Variants in SNTG1 observed in about 807,000 individuals in gnomAD.
SNTG1 encodes gamma-1-syntrophin.
In SNTG1, 39 loss-of-function variants were observed where a neutral mutation model predicts 74.7. The ratio of observed to expected loss-of-function variants is 0.52; its 90% CI spans 0.40 to 0.68. The LOEUF is 0.68. Ranked by LOEUF, SNTG1 falls within the 30% of genes least tolerant of loss-of-function variation. The pLI is 0.00. For synonymous variants in SNTG1, 254 were observed against 217.1 expected (o/e 1.17, Z -1.49); for missense variants, 685 against 609.5 (o/e 1.12, Z -1.30).
At chr8:50,568,257 T>TGTGTGTGTGTG (rs1563587391) in intron 12 of SNTG1, among the ~76,000 whole-genome samples, 3 of 48,990 alleles carry the variant, frequency 6.1e-5, no homozygotes, top group Non-Finnish European at 1.6e-4. Context: ...GTGTGTGCTA[T>TGTGTGTGTGTG]CTATTTATCC....
intron 2 of SNTG1, among the ~76,000 whole-genome samples, chr8:50,251,483 T>A (rs1380705191): frequency 1.3e-5 from 2 of 151,864 alleles, no homozygotes; most frequent in Admixed American, 6.6e-5. Context: ...CTATAACAGA[T>A]GCACTTCACT....
chr8:50,764,784 T>C (rs539641889), intron 18 of SNTG1, among the ~76,000 whole-genome samples: 2 of 151,668 alleles, frequency 1.3e-5, no homozygotes, highest in South Asian at 2.1e-4. Context: ...TGAGTATATA[T>C]GCAAATGATT....
intron 17 of SNTG1, among the ~76,000 whole-genome samples, chr8:50,751,210 C>T (rs1397115458): frequency 1.3e-5 from 2 of 151,940 alleles, no homozygotes; most frequent in Non-Finnish European, 2.9e-5. Flanking sequence ...CATGTTTGAA[C>T]ACACATACAC....
chr8:50,025,287 C>T (rs1817171289), intron 1 of SNTG1, among the ~76,000 whole-genome samples: 1 of 152,146 alleles, frequency 6.6e-6, no homozygotes, highest in African/African-American at 2.4e-5. Context: ...TAATAACCCA[C>T]TTTCTCATTA....
chr8:49,975,277 A>G (rs763534738), intron 1 of SNTG1, among the ~76,000 whole-genome samples: 9 of 152,148 alleles, frequency 5.9e-5, no homozygotes, highest in South Asian at 4.1e-4. Flanking sequence ...AGATTTTTTC[A>G]TTCTTCTTTA....
chr8:49,932,156 C>T (rs1419300043), intron 1 of SNTG1, among the ~76,000 whole-genome samples: 1 of 152,122 alleles, frequency 6.6e-6, no homozygotes, highest in African/African-American at 2.4e-5. Flanking sequence ...ATCACTAAAA[C>T]AGGTCAGTTT....
At chr8:50,114,343 T>A (rs1176024637) in intron 1 of SNTG1, among the ~76,000 whole-genome samples, 1 of 152,162 alleles carries the variant, frequency 6.6e-6, no homozygotes, top group Non-Finnish European at 1.5e-5. Flanking sequence ...TGCAATAACT[T>A]CTTAAAAAGA....
intron 15 of SNTG1, among the ~76,000 whole-genome samples, chr8:50,701,618 C>CTTCTTCTTCTTCTTCTTCTTCTTCTTCTT (rs201341360): frequency 0.028 from 3,881 of 136,930 alleles, 145 homozygotes; most frequent in Middle Eastern, 0.04. Flanking sequence ...TCTTCTTCTT[C>CTTCTTCTTCTTCTTCTTCTTCTTCTTCTT]GTGTTCCTCT....
intron 1 of SNTG1, among the ~76,000 whole-genome samples, chr8:49,949,650 C>T (rs762949371): frequency 6.6e-6 from 1 of 152,142 alleles, no homozygotes; most frequent in Non-Finnish European, 1.5e-5. Flanking sequence ...ATATTTAGAT[C>T]TTTCTTGTGA....
chr8:50,223,028 T>C (rs1273288967), intron 2 of SNTG1, among the ~76,000 whole-genome samples: 2 of 152,098 alleles, frequency 1.3e-5, no homozygotes, highest in East Asian at 3.9e-4. Flanking sequence ...TTGGAGTTAT[T>C]AGAAAGACCC....
intron 2 of SNTG1, among the ~76,000 whole-genome samples, chr8:50,291,086 T>C (rs2089076254): frequency 6.6e-6 from 1 of 152,162 alleles, no homozygotes; most frequent in African/African-American, 2.4e-5. Flanking sequence ...ATATGTGGAT[T>C]TCATTAAAGT....
At chr8:50,717,262 A>G (rs983725417) in intron 17 of SNTG1, among the ~76,000 whole-genome samples, 7 of 151,600 alleles carry the variant, frequency 4.6e-5, no homozygotes, top group Non-Finnish European at 1.0e-4. Context: ...GATATATTTT[A>G]TTTTTTTCTG....
chr8:50,778,544 G>A (rs567429589), intron 18 of SNTG1, among the ~76,000 whole-genome samples: 1 of 151,980 alleles, frequency 6.6e-6, no homozygotes, highest in Non-Finnish European at 1.5e-5. Context: ...ACTTTTTGAT[G>A]GGGTTGTTTG....
chr8:50,335,412 G>C lies in SNTG1; in HGVS notation c.-27-58800G>C, dbSNP rs79859023. Among the ~76,000 whole-genome samples, 84 of 152,196 alleles carry C rather than the reference G, an allele frequency of 5.5e-4. No homozygotes were observed. In the East Asian group the frequency reaches 0.012, roughly 22 times the overall value. On this transcript the variant is annotated intron_variant, in intron 2 of 18. Coordinates refer to ENST00000642720, the MANE Select transcript of SNTG1 (RefSeq NM_018967.5). ...TGTTCAAGGCTCCGGAGAAATATCT[G>C]CTTCCTAGTTCAATCAACATTTTGG...
intron 12 of SNTG1, among the ~76,000 whole-genome samples, chr8:50,555,791 T>C (rs767628209): frequency 5.3e-5 from 8 of 152,124 alleles, no homozygotes; most frequent in Non-Finnish European, 8.8e-5. Context: ...AGTTTGACAG[T>C]TTAAAAATTA....
At chr8:50,432,740 T>A (rs955164175) in intron 4 of SNTG1, among the ~76,000 whole-genome samples, 3 of 151,888 alleles carry the variant, frequency 2.0e-5, no homozygotes, top group Non-Finnish European at 4.4e-5. Context: ...GTTAGATTTA[T>A]ACCAAAATAT....
intron 2 of SNTG1, among the ~76,000 whole-genome samples, chr8:50,323,507 C>T (rs1231145742): frequency 1.3e-5 from 2 of 152,154 alleles, no homozygotes; most frequent in Non-Finnish European, 2.9e-5. Context: ...TACTTGTACC[C>T]TAAGCCAAAT....
chr8:50,457,696 A>G (rs1194624823), intron 8 of SNTG1, among the ~76,000 whole-genome samples: 1 of 152,152 alleles, frequency 6.6e-6, no homozygotes, highest in African/African-American at 2.4e-5. Flanking sequence ...AAGGGGCTGT[A>G]GCCAAAGCCG....
Position 50,334,053 on chromosome 8 carries a change from C to T in SNTG1, c.-27-60159C>T, listed in dbSNP as rs149132523. ...CTGGGATTACAGGCACCCATCATCA[C>T]GCCTGGCTAATTTTTGTATTTTTAG... is the stretch of plus-strand genomic sequence containing the variant. On this transcript the variant is annotated intron_variant, in intron 2 of 18. Transcript: ENST00000642720. 2.0e-4 allele frequency among the ~76,000 whole-genome samples: 31 copies of T among 152,286 alleles called. No individual in the cohort carries two copies. In the East Asian group the frequency reaches 6.0e-3, roughly 29 times the overall value.
Sources: allele counts gnomAD v4.1 joint callset (sites outside exome capture counted in the v4.1 genomes callset), GRCh38; gene constraint gnomAD v4.1.1; transcripts MANE v1.5; gene names NCBI Gene and HGNC (gene_info 2026-07-23, HGNC 2026-07-21).